Variants in ANKRD7 observed in about 807,000 individuals in gnomAD.
ANKRD7 encodes ankyrin repeat domain-containing protein 7.
A neutral mutation model predicts 30.8 loss-of-function variants in ANKRD7; 30 were observed. The ratio of observed to expected loss-of-function variants is 0.97; its 90% CI spans 0.73 to 1.32. ANKRD7 has a LOEUF of 1.32. Ranked by LOEUF, ANKRD7 falls within the 40% of genes most tolerant of loss-of-function variation. The pLI, the probability that ANKRD7 is intolerant of heterozygous loss-of-function variation, is 0.00. For synonymous variants in ANKRD7, 97 were observed against 106.6 expected, an observed-to-expected ratio of 0.91 and a Z score of 0.55; for missense variants, 264 against 295.7, an observed-to-expected ratio of 0.89 and a Z score of 0.79.
chr7:118,235,571 C>T (rs543831666), intron 3 of ANKRD7, among the ~76,000 whole-genome samples: 1 of 144,520 alleles, frequency 6.9e-6, no homozygotes, highest in East Asian at 2.0e-4. Context: ...AAGATTGCGC[C>T]ACTGCACTCC....
chr7:118,229,804 C>G (rs1012566233), intron 1 of ANKRD7, among the ~76,000 whole-genome samples: 48 of 152,146 alleles, frequency 3.2e-4, no homozygotes, highest in African/African-American at 1.2e-3. Context: ...AAACCAAATC[C>G]AGTAGTACAT....
At chr7:118,241,160 CAAAAAAA>C (rs60703234) in intron 6 of ANKRD7, among the ~76,000 whole-genome samples, 3 of 21,848 alleles carry the variant, frequency 1.4e-4, no homozygotes, top group East Asian at 1.3e-3. Context: ...GACTCCGTCT[CAAAAAAA>C]AAAAAAAAAA....
At chr7:118,236,676 G>T in intron 4 of ANKRD7, 114 bp from the exon 5 acceptor site, 2 of 1,116,088 alleles carry the variant, frequency 1.8e-6, no homozygotes, top group South Asian at 1.5e-5. Context: ...TTGTTGCTTT[G>T]ACTCTTTCTG....
chr7:118,238,876 C>T (rs373528776), intron 5 of ANKRD7, among the ~76,000 whole-genome samples: 4 of 152,256 alleles, frequency 2.6e-5, no homozygotes, highest in Admixed American at 6.5e-5. Flanking sequence ...AAAATTCACA[C>T]GTGAAAGCCG....
chr7:118,242,093 CTTAA>C (rs1809857056), intron 6 of ANKRD7, among the ~76,000 whole-genome samples: 1 of 152,108 alleles, frequency 6.6e-6, no homozygotes, highest in African/African-American at 2.4e-5. Flanking sequence ...AAATGTTAAT[CTTAA>C]TTAATGTTTT....
chr7:118,236,598 TG>T (rs776046162), intron 4 of ANKRD7, among the ~76,000 whole-genome samples, 191 bp from the exon 5 acceptor site: 2 of 152,186 alleles, frequency 1.3e-5, no homozygotes, highest in Non-Finnish European at 2.9e-5. Flanking sequence ...GTACTGTTCA[TG>T]TTTAGACTCC....
At chr7:118,238,551 C>T (rs1446864259) in intron 5 of ANKRD7, among the ~76,000 whole-genome samples, 1 of 152,146 alleles carries the variant, frequency 6.6e-6, no homozygotes, top group Non-Finnish European at 1.5e-5. Flanking sequence ...TGCTTCATAA[C>T]ATCATTTGTT....
chr7:118,233,420 CTTAA>C (rs1809672460), intron 1 of ANKRD7, among the ~76,000 whole-genome samples: 2 of 152,132 alleles, frequency 1.3e-5, no homozygotes, highest in Admixed American at 6.5e-5. Flanking sequence ...TTCAGGTAAA[CTTAA>C]TTAGAATTTT....
intron 4 of ANKRD7, among the ~76,000 whole-genome samples, chr7:118,236,497 C>T (rs1307513250): frequency 6.6e-6 from 1 of 152,138 alleles, no homozygotes; most frequent in Non-Finnish European, 1.5e-5. Context: ...TCCCAAGACA[C>T]ATTCCTTCAT....
chr7:118,236,047 T>C lies in ANKRD7; in HGVS notation c.475T>C (p.Tyr159His), dbSNP rs369658142. The stretch of plus-strand genomic sequence containing the variant: ...TTTTAAATATTTTTTTCAGGATGGG[T>C]ATACTCCACTATTAGTTGCCGTTAT... Reference protein sequence around the residue: ...ADLEAKNKDGYTPLLVAVINN... With the variant: ...ADLEAKNKDGHTPLLVAVINN... The change falls in exon 4 of 7, where the codon TAT (tyrosine) becomes CAT (histidine). Residue 159 changes from tyrosine (Y) to histidine (H), a missense_variant. Physicochemically the swap from Tyr to His is moderately conservative, Grantham distance 83 (BLOSUM62 2). Coordinates refer to ENST00000265224, the MANE Select transcript of ANKRD7 (RefSeq NM_019644.4). 15 of 1,546,846 alleles carry C rather than the reference T, an allele frequency of 9.7e-6. No individual in the cohort carries two copies. The South Asian group carries it at 1.1e-4, about 12-fold the overall frequency.
intron 5 of ANKRD7, 29 bp downstream of exon 5, chr7:118,236,955 C>G (rs1266490067): frequency 1.9e-6 from 3 of 1,609,556 alleles, no homozygotes; most frequent in Admixed American, 1.7e-5. Flanking sequence ...CTTTTAACAA[C>G]TGTATGGGGT....
chr7:118,229,204 T>A (rs1002509092), intron 1 of ANKRD7, among the ~76,000 whole-genome samples: 2 of 152,098 alleles, frequency 1.3e-5, no homozygotes, highest in African/African-American at 4.8e-5. Context: ...GTCATATGAC[T>A]TGCTCTTTCA....
At position 118,224,979 on chromosome 7, in the gene ANKRD7, A is replaced by G. The variant is rs773660136; in HGVS notation, c.149A>G (p.Tyr50Cys). ...AAGGAATACCTTCAGATCAAGAAAT[A>G]TGATGTAAATATGCAGGACAAAAAA... The part of the protein sequence containing the change: ...KLKEYLQIKK[Y>C]DVNMQDKKYR... Residue 50 changes from tyrosine (Y) to cysteine (C), a missense_variant, in exon 1 of 7, where the codon TAT becomes TGT. Transcript: ENST00000265224. The G allele has an allele frequency of 8.1e-6, 13 of 1,614,056 alleles. No individual in the cohort carries two copies. The Admixed American group carries it at 1.5e-4, about 19-fold the overall frequency.
At chr7:118,231,357 A>G (rs1809635782) in intron 1 of ANKRD7, among the ~76,000 whole-genome samples, 1 of 152,088 alleles carries the variant, frequency 6.6e-6, no homozygotes, top group African/African-American at 2.4e-5. Context: ...ATGGTTTTTA[A>G]TAAAAAAGCC....
At chr7:118,237,091 T>A (rs1809742964) in intron 5 of ANKRD7, among the ~76,000 whole-genome samples, 165 bp downstream of exon 5, 1 of 152,152 alleles carries the variant, frequency 6.6e-6, no homozygotes, top group Non-Finnish European at 1.5e-5. Context: ...TCAATCAATA[T>A]AAGGGCTACA....
At position 118,236,782 on chromosome 7, in the gene ANKRD7, TG is replaced by T. The variant is rs763074069; in HGVS notation, c.576-7del. ...TACATGGGCATTCATTTCTATCTCTTGCTCCAGAACAGCCCTTATTCTTGCT... is the reference window on the plus strand; with the variant it reads ...TACATGGGCATTCATTTCTATCTCTTCTCCAGAACAGCCCTTATTCTTGCT... On this transcript the variant is annotated splice_polypyrimidine_tract_variant and splice_region_variant and intron_variant, in intron 4 of 6. Transcript: ENST00000265224. 1.9e-6 allele frequency: 3 copies of T among 1,609,440 alleles called. No homozygotes were observed. The highest frequency in any genetic ancestry group is 1.7e-6 in the Non-Finnish European group (2 of 1,178,348).
chr7:118,239,690 A>G (rs1408581944), intron 5 of ANKRD7: 7 of 317,798 alleles, frequency 2.2e-5, no homozygotes, highest in East Asian at 1.4e-4. Context: ...TAAAAAAATC[A>G]TATTTGTGAT....
chr7:118,233,551 G>T (rs1809674907), intron 1 of ANKRD7, among the ~76,000 whole-genome samples: 2 of 152,008 alleles, frequency 1.3e-5, no homozygotes, highest in South Asian at 4.1e-4. Flanking sequence ...TTATTTTTAA[G>T]TAGTTATCTT....
In ANKRD7 at chr7:118,236,016, A is replaced by C. The variant is rs199567784; in HGVS notation, c.469-25A>C. ...GCATGAAAATTTGCTACAATATTTT[A>C]ATCATTTTTAAATATTTTTTTCAGG... On this transcript the variant is annotated intron_variant, in intron 3 of 6. Transcript: ENST00000265224. The C allele has an allele frequency of 1.4e-4, 182 of 1,272,594 alleles. 1 individual carries two copies. The African/African-American group carries it at 2.5e-3, about 17-fold the overall frequency. 78.8% of individuals were successfully genotyped at this position (1,272,594 alleles called of 1,614,324 possible).
Sources: gnomAD v4.1 joint callset for allele counts (sites outside exome capture counted in the v4.1 genomes callset) on GRCh38, gnomAD v4.1.1 for gene constraint, MANE v1.5 for transcripts, NCBI Gene and HGNC (gene_info 2026-07-23, HGNC 2026-07-21) for gene names.